The following IFIT3 variants were observed in gnomAD, a reference collection of about 807,000 sequenced individuals.
IFIT3 encodes interferon induced protein with tetratricopeptide repeats 3.
In IFIT3, 2 loss-of-function variants were observed where a neutral mutation model predicts 2.4. That is an observed-to-expected ratio of 0.82 (90% CI 0.34 to 2.60). IFIT3 has a LOEUF of 2.60. Ranked by LOEUF, IFIT3 falls within the 30% of genes most tolerant of loss-of-function variation. IFIT3 has a pLI of 0.11. For missense variants in IFIT3, 481 were observed against 562.4 expected, an observed-to-expected ratio of 0.86 and a Z score of 1.46; for synonymous variants, 203 against 212.1, an observed-to-expected ratio of 0.96 and a Z score of 0.37.
chr10:89,331,814 G>A (rs1417897944), intron 1 of IFIT3, among the ~76,000 whole-genome samples: 7 of 145,214 alleles, frequency 4.8e-5, no homozygotes, highest in African/African-American at 7.8e-5. Flanking sequence ...AGCTGAGATC[G>A]TGCTACTGCA....
At chr10:89,330,409 T>C (rs1465960702) in intron 1 of IFIT3, among the ~76,000 whole-genome samples, 3 of 152,208 alleles carry the variant, frequency 2.0e-5, no homozygotes. Context: ...CTATGCCCAA[T>C]GGCCAAAAGG....
intron 1 of IFIT3, 106 bp downstream of exon 1, chr10:89,328,184 T>A: frequency 3.6e-6 from 4 of 1,113,720 alleles, no homozygotes; most frequent in Non-Finnish European, 4.1e-6. Flanking sequence ...TGTTTATAGA[T>A]TCAATATGTC....
In IFIT3 at chr10:89,339,306, G is replaced by T; in HGVS notation, c.651G>T (p.Leu217=). The change falls in exon 2 of 2, where the codon CTG becomes CTT. Residue 217 remains leucine (L), a synonymous_variant. Coordinates refer to ENST00000371818, the MANE Select transcript of IFIT3 (RefSeq NM_001549.6). ...QYVKVLLGLK[L]QKMNKEAEGE... is the part of the protein sequence containing the mutation. The stretch of plus-strand genomic sequence containing the variant: ...TCAAGGTTCTCTTGGGCCTGAAACT[G>T]CAGAAGATGAATAAAGAAGCTGAAG... 1 of 1,613,812 alleles carries T rather than the reference G, an allele frequency of 6.2e-7. No homozygotes were observed. The highest frequency in any genetic ancestry group is 8.5e-7 in the Non-Finnish European group (1 of 1,179,910).
rs149187349 is a variant in IFIT3 at position 89,339,271 on chromosome 10, A to G, written c.616A>G (p.Asn206Asp). The change falls in exon 2 of 2, where the codon AAC becomes GAC. Residue 206 changes from asparagine (N) to aspartate (D), a missense_variant. By Grantham distance (23) the Asn-to-Asp change is conservative. Transcript: ENST00000371818. ...LKQAIELSPD[N>D]QYVKVLLGLK... ...GCAGGCCATTGAGCTGAGTCCTGATAACCAATACGTCAAGGTTCTCTTGGG... is the reference window on the plus strand; with the variant it reads ...GCAGGCCATTGAGCTGAGTCCTGATGACCAATACGTCAAGGTTCTCTTGGG... 393 of 1,614,084 alleles carry G rather than the reference A, an allele frequency of 2.4e-4. 1 individual carries two copies. The highest frequency in any genetic ancestry group is 3.2e-4 in the Non-Finnish European group (381 of 1,180,026).
intron 1 of IFIT3, chr10:89,332,561 G>C (rs1238457680): frequency 1.2e-6 from 2 of 1,613,864 alleles, no homozygotes; most frequent in East Asian, 4.5e-5. Context: ...CTTGGAATCA[G>C]TAAGCTAAAA....
At position 89,339,655 on chromosome 10, in the gene IFIT3, G is replaced by A. The variant is rs974974070; in HGVS notation, c.1000G>A (p.Asp334Asn). The A allele has an allele frequency of 6.2e-6, 10 of 1,614,054 alleles. No homozygotes were observed. The highest frequency in any genetic ancestry group is 2.2e-5 in the East Asian group (1 of 44,888). The change falls in exon 2 of 2, where the codon GAT (aspartate) becomes AAT (asparagine). Residue 334 changes from aspartate (D) to asparagine (N), a missense_variant. Transcript: ENST00000371818. ...ACTGAATCCTCTGAATGCATACTCC[G>A]ATCTCGCTGAGTTCCTGGAGACGGA... ...KGLNPLNAYS[D>N]LAEFLETECY...
At position 89,339,591 on chromosome 10, in the gene IFIT3, A is replaced by G. The variant is rs1328376491; in HGVS notation, c.936A>G (p.Gln312=). Residue 312 remains glutamine, a synonymous_variant, in exon 2 of 2, where the codon CAA becomes CAG. Transcript: ENST00000371818. The part of the protein sequence containing the change: ...GNKEMIEALK[Q]YAMDYSNKAL... The stretch of plus-strand genomic sequence containing the variant: ...AAGAGATGATTGAAGCACTAAAGCA[A>G]TATGCTATGGACTATTCGAATAAAG... 6.2e-7 allele frequency: 1 copy of G among 1,614,090 alleles called. No individual in the cohort carries two copies. The highest frequency in any genetic ancestry group is 8.5e-7 in the Non-Finnish European group (1 of 1,180,014).
chr10:89,334,476 T>C (rs1488202031), intron 1 of IFIT3, among the ~76,000 whole-genome samples: 1 of 75,342 alleles, frequency 1.3e-5, no homozygotes, highest in Admixed American at 1.4e-4. Context: ...TTTTCTTTTA[T>C]TCTTTTTTTT....
chr10:89,328,205 T>G (rs1043325911), intron 1 of IFIT3, 127 bp downstream of exon 1: 160 of 970,308 alleles, frequency 1.6e-4, no homozygotes, highest in Non-Finnish European at 2.4e-4. Context: ...TTTATCAGTC[T>G]GAGCATTTGT....
chr10:89,339,091 C>A lies in IFIT3; in HGVS notation c.436C>A (p.Gln146Lys), dbSNP rs1843800536. 1 of 1,614,010 alleles carries A rather than the reference C, an allele frequency of 6.2e-7. No individual in the cohort carries two copies. Among genetic ancestry groups the A allele is most frequent in the Non-Finnish European group, 8.5e-7 (1 of 1,180,014 alleles). ...ACTTGACTGTGAGGAAGGGTGGACA[C>A]AACTGAAGTGTGGAAGAAATGAAAG... ...SELDCEEGWT[Q>K]LKCGRNERAK... is the part of the protein sequence containing the mutation. Residue 146 changes from glutamine to lysine, a missense_variant, in exon 2 of 2, where the codon CAA (glutamine) becomes AAA (lysine). Transcript: ENST00000371818.
chr10:89,336,098 A>T (rs1843734234), intron 1 of IFIT3, among the ~76,000 whole-genome samples: 1 of 147,020 alleles, frequency 6.8e-6, no homozygotes, highest in East Asian at 2.2e-4. Context: ...CAATATAGTG[A>T]GACCCTGTCT....
At chr10:89,333,928 T>C (rs2133549198) in intron 1 of IFIT3, among the ~76,000 whole-genome samples, 1 of 152,328 alleles carries the variant, frequency 6.6e-6, no homozygotes, top group African/African-American at 2.4e-5. Context: ...GAAGTCCGGC[T>C]CTGGAGAGTT....
At chr10:89,334,799 G>A (rs1169976673) in intron 1 of IFIT3, among the ~76,000 whole-genome samples, 9 of 151,958 alleles carry the variant, frequency 5.9e-5, no homozygotes, top group Non-Finnish European at 5.9e-5. Context: ...CCACCTAGCT[G>A]TTCTTTATCA....
chr10:89,335,437 G>A (rs1173524176), intron 1 of IFIT3: 2 of 149,874 alleles, frequency 1.3e-5, no homozygotes, highest in East Asian at 3.9e-4. Flanking sequence ...CACATGACAG[G>A]GTGGAAGTAT....
In IFIT3 at chr10:89,340,045, G is replaced by C. The variant is rs760742725; in HGVS notation, c.1390G>C (p.Glu464Gln). The part of the protein sequence containing the change: ...GSIFLSASEL[E>Q]DGSEEMGQGA... ...TATTTTCCTGTCAGCATCTGAGCTT[G>C]AGGATGGTAGTGAGGAAATGGGCCA... The change falls in exon 2 of 2, where the codon GAG (glutamate) becomes CAG (glutamine). Residue 464 changes from glutamate to glutamine, a missense_variant. Coordinates refer to ENST00000371818, the MANE Select transcript of IFIT3 (RefSeq NM_001549.6). 3 of 1,614,096 alleles carry C rather than the reference G, an allele frequency of 1.9e-6. No individual in the cohort carries two copies. Among genetic ancestry groups the C allele is most frequent in the Admixed American group, 1.7e-5 (1 of 60,006 alleles).
intron 1 of IFIT3, among the ~76,000 whole-genome samples, chr10:89,332,265 C>T (rs915693855): frequency 3.9e-5 from 6 of 152,258 alleles, no homozygotes; most frequent in Non-Finnish European, 8.8e-5. Flanking sequence ...AGTCACGTTA[C>T]GTGAGTCAGT....
Position 89,339,969 on chromosome 10 carries a change from T to C in IFIT3, c.1314T>C (p.Tyr438=). The part of the protein sequence containing the change: ...NGDLLQAAKC[Y]EKELGRLLRD... ...ATCTGCTGCAAGCAGCCAAATGTTA[T>C]GAGAAGGAACTGGGCCGCCTGCTAA... Residue 438 remains tyrosine (Y), a synonymous_variant, in exon 2 of 2, where the codon TAT becomes TAC. Transcript: ENST00000371818. 1 of 1,614,206 alleles carries C rather than the reference T, an allele frequency of 6.2e-7. No homozygotes were observed.
chr10:89,330,755 A>T (rs1393839868), intron 1 of IFIT3, among the ~76,000 whole-genome samples: 1 of 152,078 alleles, frequency 6.6e-6, no homozygotes, highest in Non-Finnish European at 1.5e-5. Flanking sequence ...TTCACTCAAG[A>T]TGCCTGATAA....
In IFIT3 at chr10:89,339,365, C is replaced by G. The variant is rs1216085808; in HGVS notation, c.710C>G (p.Ser237Cys). Residue 237 changes from serine (S) to cysteine (C), a missense_variant, in exon 2 of 2, where the codon TCT becomes TGT. Coordinates refer to ENST00000371818, the MANE Select transcript of IFIT3 (RefSeq NM_001549.6). The stretch of plus-strand genomic sequence containing the variant: ...TTTGTTGAAGAAGCCTTGGAAAAGT[C>G]TCCTTGCCAAACAGATGTCCTCCGC... ...EQFVEEALEK[S>C]PCQTDVLRSA... 1 of 1,613,698 alleles carries G rather than the reference C, an allele frequency of 6.2e-7. No individual in the cohort carries two copies. Among genetic ancestry groups the G allele is most frequent in the African/African-American group, 1.3e-5 (1 of 74,880 alleles).
Sources: gnomAD v4.1 joint callset for allele counts (sites outside exome capture counted in the v4.1 genomes callset) on GRCh38, gnomAD v4.1.1 for gene constraint, MANE v1.5 for transcripts, NCBI Gene and HGNC (gene_info 2026-07-23, HGNC 2026-07-21) for gene names.